MPZL1: variants seen among roughly 807,000 people sequenced by gnomAD.
MPZL1 encodes the protein myelin protein zero-like protein 1.
A neutral mutation model predicts 29.3 loss-of-function variants in MPZL1; 16 were observed. That is an observed-to-expected ratio of 0.55 (90% confidence interval 0.37 to 0.83). MPZL1 has a LOEUF of 0.83. MPZL1 is among the 40% of genes least tolerant of loss of function. The probability of loss-of-function intolerance (pLI) is 0.00; values close to 1 mark genes in which losing one functional copy is unlikely to be tolerated. For synonymous variants in MPZL1, 143 were observed against 132.0 expected, an observed-to-expected ratio of 1.08 and a Z score of -0.57; for missense variants, 279 against 332.9, an observed-to-expected ratio of 0.84 and a Z score of 1.26.
intron 1 of MPZL1, among the ~76,000 whole-genome samples, chr1:167,756,627 T>C (rs1222741513): frequency 6.6e-6 from 1 of 152,142 alleles, no homozygotes; most frequent in Non-Finnish European, 1.5e-5. Context: ...CTGAAGCCAT[T>C]TGTTGTAGAG....
At chr1:167,777,773 A>G (rs1351744853) in intron 5 of MPZL1, among the ~76,000 whole-genome samples, 1 of 152,236 alleles carries the variant, frequency 6.6e-6, no homozygotes, top group East Asian at 1.9e-4. Context: ...CCTAAGAGCC[A>G]GAGTAGAGAG....
rs1023661490 is a variant in MPZL1 at position 167,739,045 on chromosome 1, G to A, written c.91+16803G>A. Reference sequence around the variant, plus strand: ...GCAACCTCCACCTCCAGGTTCAAGCGATTCTCCCACCTCAGTCTCGCGAGT... The same window carrying A: ...GCAACCTCCACCTCCAGGTTCAAGCAATTCTCCCACCTCAGTCTCGCGAGT... On this transcript the variant is annotated intron_variant, in intron 1 of 5. Coordinates refer to ENST00000359523, the MANE Select transcript of MPZL1 (RefSeq NM_003953.6). Among the ~76,000 whole-genome samples the A allele has an allele frequency of 2.6e-5, 4 of 151,648 alleles. 1 individual carries two copies. Among genetic ancestry groups the A allele is most frequent in the African/African-American group, 9.7e-5 (4 of 41,182 alleles).
chr1:167,776,154 TG>T lies in MPZL1; in HGVS notation c.698del (p.Gly233AspfsTer12). On this transcript the variant is annotated frameshift_variant, in exon 5 of 6. Coordinates refer to ENST00000359523, the MANE Select transcript of MPZL1 (RefSeq NM_003953.6). LOFTEE classifies it high-confidence loss of function. The stretch of plus-strand genomic sequence containing the variant: ...AGGGTCTTGTAAAGAGTCTGCCTTC[TG>T]GATCTCACCAGGTAATGGCTGATTG... Reference protein sequence around the residue: ...TEGLVKSLPSGSHQGPVIYAQ... With the variant: ...TEGLVKSLPSXSHQGPVIYAQ... 6.2e-7 allele frequency: 1 copy of T among 1,612,102 alleles called. No homozygotes were observed. The highest frequency in any genetic ancestry group is 1.7e-5 in the Admixed American group (1 of 59,900).
intron 5 of MPZL1, among the ~76,000 whole-genome samples, chr1:167,776,858 T>C (rs893856300): frequency 1.1e-4 from 17 of 152,254 alleles, no homozygotes; most frequent in Non-Finnish European, 2.1e-4. Flanking sequence ...TGGCCAGTTA[T>C]AGCTTTGTCC....
intron 1 of MPZL1, among the ~76,000 whole-genome samples, chr1:167,726,806 A>T (rs1436539791): frequency 6.6e-6 from 1 of 152,254 alleles, no homozygotes; most frequent in Non-Finnish European, 1.5e-5. Context: ...GCAAAAGAAC[A>T]TAAAATGCAA....
chr1:167,723,378 T>G (rs1660079971), intron 1 of MPZL1, among the ~76,000 whole-genome samples: 1 of 152,228 alleles, frequency 6.6e-6, no homozygotes, highest in Middle Eastern at 3.2e-3. Flanking sequence ...AAACAGTGAT[T>G]CCAGGGGCTG....
At chr1:167,727,219 G>A (rs1279659901) in intron 1 of MPZL1, among the ~76,000 whole-genome samples, 1 of 152,156 alleles carries the variant, frequency 6.6e-6, no homozygotes, top group Non-Finnish European at 1.5e-5. Context: ...CTATCCAGTA[G>A]ATGCTGGTCT....
intron 1 of MPZL1, among the ~76,000 whole-genome samples, chr1:167,725,276 A>G (rs111582693): frequency 3.3e-5 from 5 of 152,026 alleles, no homozygotes; most frequent in African/African-American, 1.2e-4. Flanking sequence ...ATAGCCTCCC[A>G]GCTGCTCTTC....
intron 1 of MPZL1, among the ~76,000 whole-genome samples, chr1:167,738,082 T>A (rs769062570): frequency 5.9e-5 from 9 of 152,086 alleles, no homozygotes; most frequent in Admixed American, 1.3e-4. Flanking sequence ...CCTGCCACTG[T>A]GCCCGGCTAA....
At chr1:167,760,194 C>A (rs1261732721) in intron 1 of MPZL1, among the ~76,000 whole-genome samples, 1 of 151,926 alleles carries the variant, frequency 6.6e-6, no homozygotes, top group Non-Finnish European at 1.5e-5. Flanking sequence ...AGATAGGTTT[C>A]TTTTGTTTTG....
chr1:167,741,557 T>G (rs902494930), intron 1 of MPZL1, among the ~76,000 whole-genome samples: 14 of 151,736 alleles, frequency 9.2e-5, no homozygotes, highest in African/African-American at 3.4e-4. Context: ...ATTCCTGACC[T>G]CAAGTGATCT....
chr1:167,737,191 T>G (rs1467489752), intron 1 of MPZL1, among the ~76,000 whole-genome samples: 1 of 152,228 alleles, frequency 6.6e-6, no homozygotes, highest in African/African-American at 2.4e-5. Context: ...TCTCCAATGC[T>G]TAACATAATG....
intron 5 of MPZL1, among the ~76,000 whole-genome samples, chr1:167,782,150 C>A (rs184784494): frequency 4.6e-5 from 7 of 152,122 alleles, no homozygotes; most frequent in African/African-American, 1.7e-4. Flanking sequence ...CTGTTTAGCC[C>A]CTTTTAAAAG....
chr1:167,744,899 G>A (rs1053502223), intron 1 of MPZL1, among the ~76,000 whole-genome samples: 4 of 152,142 alleles, frequency 2.6e-5, no homozygotes, highest in East Asian at 1.9e-4. Flanking sequence ...TGCTTACTCC[G>A]CAGAGGCGGA....
At chr1:167,739,219 A>AGGT (rs1660449526) in intron 1 of MPZL1, among the ~76,000 whole-genome samples, 1 of 150,160 alleles carries the variant, frequency 6.7e-6, no homozygotes, top group African/African-American at 2.5e-5. Flanking sequence ...CTGGGATTAT[A>AGGT]GGTGTGAACC....
intron 1 of MPZL1, among the ~76,000 whole-genome samples, chr1:167,746,886 G>A (rs1344597365): frequency 2.0e-5 from 3 of 152,144 alleles, no homozygotes; most frequent in African/African-American, 7.2e-5. Flanking sequence ...GAAAAAATAA[G>A]TTTGTTATTC....
intron 1 of MPZL1, among the ~76,000 whole-genome samples, chr1:167,755,194 T>C (rs1660841916): frequency 6.6e-6 from 1 of 152,188 alleles, no homozygotes; most frequent in Non-Finnish European, 1.5e-5. Flanking sequence ...TTTTAAAAAT[T>C]TTTTGCTGTA....
intron 1 of MPZL1, among the ~76,000 whole-genome samples, chr1:167,737,762 A>G (rs960037577): frequency 6.6e-6 from 1 of 152,176 alleles, no homozygotes; most frequent in Non-Finnish European, 1.5e-5. Flanking sequence ...TGTGCTGACA[A>G]TGACACTTTA....
At chr1:167,756,556 G>A (rs775588114) in intron 1 of MPZL1, among the ~76,000 whole-genome samples, 1 of 150,536 alleles carries the variant, frequency 6.6e-6, no homozygotes, top group Non-Finnish European at 1.5e-5. Flanking sequence ...CCAAGGTAGT[G>A]TCAGCATTCA....
Sources: gnomAD v4.1 joint callset for allele counts (sites outside exome capture counted in the v4.1 genomes callset) on GRCh38, gnomAD v4.1.1 for gene constraint, MANE v1.5 for transcripts, NCBI Gene and HGNC (gene_info 2026-07-23, HGNC 2026-07-21) for gene names.